SSBP2: variants seen among roughly 807,000 people sequenced by gnomAD.
SSBP2 encodes single-stranded DNA-binding protein 2.
A neutral mutation model predicts 61.8 loss-of-function variants in SSBP2; 17 were observed. The ratio of observed to expected loss-of-function variants is 0.28; its 90% CI spans 0.19 to 0.41. The LOEUF is 0.41. Among genes scored for constraint, SSBP2 ranks in the 10% least tolerant of loss-of-function variants. The pLI is 1.00. For missense variants in SSBP2, 310 were observed against 458.7 expected (o/e 0.68, Z 2.96); for synonymous variants, 139 against 141.3 (o/e 0.98, Z 0.12).
rs558551178 is a variant in SSBP2 at position 81,638,175 on chromosome 5, G to A, written c.136-1557C>T. The stretch of plus-strand genomic sequence containing the variant: ...GCTAGATGACGAGTTAGTGGGTGCA[G>A]CACACCAGCATGGCACATGTATACA... On this transcript the variant is annotated intron_variant, in intron 2 of 16. Transcript: ENST00000320672. Among the ~76,000 whole-genome samples the A allele has an allele frequency of 2.0e-4, 31 of 151,502 alleles. 1 individual carries two copies. The highest frequency in any genetic ancestry group is 7.0e-4 in the African/African-American group (29 of 41,244).
chr5:81,532,548 CA>C, intron 4 of SSBP2, among the ~76,000 whole-genome samples: 1 of 151,728 alleles, frequency 6.6e-6, no homozygotes, highest in Middle Eastern at 3.4e-3. Flanking sequence ...AAAGATAATT[CA>C]AAAATAAAGA....
chr5:81,484,796 A>G (rs1297797010), intron 6 of SSBP2, among the ~76,000 whole-genome samples: 3 of 152,134 alleles, frequency 2.0e-5, no homozygotes, highest in African/African-American at 7.2e-5. Flanking sequence ...TATTGCACAA[A>G]TATCTGAAGA....
At chr5:81,615,228 T>C (rs1020169405) in intron 4 of SSBP2, 2 of 345,778 alleles carry the variant, frequency 5.8e-6, no homozygotes, top group Non-Finnish European at 1.0e-5. Flanking sequence ...TCAGACATGC[T>C]TAAAGATAAG....
chr5:81,669,567 C>T (rs1310647459), intron 1 of SSBP2, among the ~76,000 whole-genome samples: 1 of 152,110 alleles, frequency 6.6e-6, no homozygotes, highest in Admixed American at 6.6e-5. Context: ...AAACCAAACG[C>T]CACATGTTCT....
chr5:81,469,118 C>T (rs1447589517), intron 8 of SSBP2, among the ~76,000 whole-genome samples: 1 of 151,888 alleles, frequency 6.6e-6, no homozygotes, highest in Non-Finnish European at 1.5e-5. Context: ...CATTAATTTT[C>T]CTTATAGCTT....
intron 4 of SSBP2, among the ~76,000 whole-genome samples, chr5:81,594,587 T>TCCTCA: frequency 6.6e-6 from 1 of 152,312 alleles, no homozygotes; most frequent in African/African-American, 2.4e-5. Context: ...ACCACATAGT[T>TCCTCA]GGAAGTAAAG....
chr5:81,653,790 G>A (rs974204520), intron 1 of SSBP2, among the ~76,000 whole-genome samples: 1 of 152,054 alleles, frequency 6.6e-6, no homozygotes, highest in Non-Finnish European at 1.5e-5. Flanking sequence ...TTTTGATGGA[G>A]TTTTTTCTTG....
intron 4 of SSBP2, among the ~76,000 whole-genome samples, chr5:81,581,970 T>C (rs1044343646): frequency 6.6e-6 from 1 of 152,172 alleles, no homozygotes; most frequent in Non-Finnish European, 1.5e-5. Context: ...TCCTTATTGA[T>C]AGTAATCAAA....
intron 3 of SSBP2, among the ~76,000 whole-genome samples, chr5:81,630,910 C>T (rs1179996445): frequency 6.6e-6 from 1 of 152,078 alleles, no homozygotes; most frequent in Admixed American, 6.6e-5. Flanking sequence ...CAATAGAACA[C>T]TCTTAAAATC....
At chr5:81,646,688 ATTTT>A (rs68107334) in intron 2 of SSBP2, among the ~76,000 whole-genome samples, 920 of 85,958 alleles carry the variant, frequency 0.011, 4 homozygotes, top group Middle Eastern at 0.025. Context: ...TGATGATGTC[ATTTT>A]TTTTTTTTTT....
rs939250362 is a variant in SSBP2 at position 81,549,138 on chromosome 5, A to T, written c.283-35421T>A. ...TAAAAATGTTAAATTTCCAAAATTT[A>T]AAAAATCTTCTTTATCTTTTTACCC... is the stretch of plus-strand genomic sequence containing the variant. On this transcript the variant is annotated intron_variant, in intron 4 of 16. Coordinates refer to ENST00000320672, the MANE Select transcript of SSBP2 (RefSeq NM_012446.5). 3.3e-5 allele frequency among the ~76,000 whole-genome samples: 5 copies of T among 152,306 alleles called. No homozygotes were observed. The East Asian group carries it at 7.7e-4, about 24-fold the overall frequency.
chr5:81,464,932 G>A (rs1764787722), intron 9 of SSBP2, among the ~76,000 whole-genome samples: 1 of 151,866 alleles, frequency 6.6e-6, no homozygotes, highest in Admixed American at 6.6e-5. Context: ...ACCCTATTGA[G>A]TGCAATGGAG....
chr5:81,440,005 A>G (rs1167728467), intron 14 of SSBP2, among the ~76,000 whole-genome samples: 1 of 152,154 alleles, frequency 6.6e-6, no homozygotes, highest in Non-Finnish European at 1.5e-5. Flanking sequence ...GTCACTTGAA[A>G]TGGTCTTTAT....
chr5:81,493,393 T>A (rs956191773), intron 5 of SSBP2, among the ~76,000 whole-genome samples: 2 of 151,752 alleles, frequency 1.3e-5, no homozygotes, highest in Non-Finnish European at 2.9e-5. Context: ...CAAGTAATCC[T>A]TCCACCTCAG....
intron 6 of SSBP2, among the ~76,000 whole-genome samples, chr5:81,480,484 A>G (rs1765904629): frequency 6.6e-6 from 1 of 152,214 alleles, no homozygotes; most frequent in Admixed American, 6.5e-5. Context: ...TAATCATCTG[A>G]GGCTTCAGTT....
At position 81,751,097 on chromosome 5, in the gene SSBP2, C is replaced by A; in HGVS notation, c.-55G>T. Reference sequence around the variant, plus strand: ...CGCACCTGTCAACCCATCACAGCCTCCCCGGGAACAGCCCCGTCCCCATGG... The same window carrying A: ...CGCACCTGTCAACCCATCACAGCCTACCCGGGAACAGCCCCGTCCCCATGG... On this transcript the variant is annotated 5_prime_UTR_variant, in exon 1 of 17. Coordinates refer to ENST00000320672, the MANE Select transcript of SSBP2 (RefSeq NM_012446.5). 6.5e-7 allele frequency: 1 copy of A among 1,538,154 alleles called. No homozygotes were observed.
chr5:81,493,251 CAGATAGATAGATAGATAGATAGAT>C (rs66763000), intron 5 of SSBP2, among the ~76,000 whole-genome samples: 6 of 145,614 alleles, frequency 4.1e-5, no homozygotes, highest in Non-Finnish European at 7.5e-5. Flanking sequence ...ATGAACAAAA[CAGATAGATAGATAGATAGATAGAT>C]AGATAGATAG....
chr5:81,436,002 A>G (rs1762647933), intron 15 of SSBP2, among the ~76,000 whole-genome samples: 1 of 152,052 alleles, frequency 6.6e-6, no homozygotes, highest in African/African-American at 2.4e-5. Flanking sequence ...AGCCTGACCA[A>G]TATGGTGAAA....
intron 3 of SSBP2, among the ~76,000 whole-genome samples, chr5:81,622,625 C>G (rs1289210352): frequency 1.3e-5 from 2 of 152,168 alleles, no homozygotes; most frequent in African/African-American, 2.4e-5. Context: ...ATCATCAACA[C>G]TATAATTAGT....
Sources: allele counts gnomAD v4.1 joint callset (sites outside exome capture counted in the v4.1 genomes callset), GRCh38; gene constraint gnomAD v4.1.1; transcripts MANE v1.5; gene names NCBI Gene and HGNC (gene_info 2026-07-23, HGNC 2026-07-21).